Variants in SARDH observed in about 807,000 individuals in gnomAD.
SARDH encodes the protein sarcosine dehydrogenase, mitochondrial.
Under a neutral mutation model 109.1 loss-of-function variants are expected in SARDH, and 95 were observed. That is an observed-to-expected ratio of 0.87 (90% CI 0.74 to 1.03). The LOEUF (loss-of-function observed/expected upper bound fraction) is 1.03, where lower values mean the gene tolerates loss of function less well. SARDH is among the 50% of genes least tolerant of loss of function. The probability of loss-of-function intolerance (pLI) is 0.00; values close to 1 mark genes in which losing one functional copy is unlikely to be tolerated. For missense variants in SARDH, 1,267 were observed against 1,287.8 expected, an observed-to-expected ratio of 0.98 and a Z score of 0.25; for synonymous variants, 572 against 534.8, an observed-to-expected ratio of 1.07 and a Z score of -0.96.
At chr9:133,726,526 G>C (rs1199920526) in intron 6 of SARDH, among the ~76,000 whole-genome samples, 1 of 152,084 alleles carries the variant, frequency 6.6e-6, no homozygotes, top group Non-Finnish European at 1.5e-5. Context: ...CCTGATGTTT[G>C]TCCCAGCAGG....
intron 17 of SARDH, among the ~76,000 whole-genome samples, chr9:133,677,388 G>C (rs1830553239): frequency 6.6e-6 from 1 of 152,150 alleles, no homozygotes; most frequent in Non-Finnish European, 1.5e-5. Flanking sequence ...CTTCAATCCT[G>C]GGCCCCTGAC....
chr9:133,671,169 A>ACCTG (rs1477561902), intron 18 of SARDH, among the ~76,000 whole-genome samples: 1 of 152,150 alleles, frequency 6.6e-6, no homozygotes, highest in African/African-American at 2.4e-5. Context: ...AGGCCACAGC[A>ACCTG]CCTGCTCCCT....
intron 16 of SARDH, among the ~76,000 whole-genome samples, chr9:133,687,509 G>A (rs907640710): frequency 7.2e-5 from 11 of 152,036 alleles, no homozygotes; most frequent in East Asian, 5.8e-4. Flanking sequence ...TCAAACTCCC[G>A]GACTCAAGCG....
At chr9:133,677,867 A>G (rs1304958956) in intron 17 of SARDH, among the ~76,000 whole-genome samples, 2 of 152,208 alleles carry the variant, frequency 1.3e-5, no homozygotes, top group Non-Finnish European at 2.9e-5. Context: ...CTCCTGGACT[A>G]TAGGTTGTGA....
Position 133,712,132 on chromosome 9 carries a change from C to T in SARDH, c.1328+487G>A, listed in dbSNP as rs509657. On this transcript the variant is annotated intron_variant, in intron 10 of 20. Transcript: ENST00000439388. This position sits in a 1 kb window ranked among gnomAD's most constrained non-coding sequence, Gnocchi z 4.1. ...AATGCCCTCCCTGCTCCCAGAACCTCCACAGCCCCTCCCCATCACCCTGCA... is the reference window on the plus strand; with the variant it reads ...AATGCCCTCCCTGCTCCCAGAACCTTCACAGCCCCTCCCCATCACCCTGCA... 6.4e-3 allele frequency among the ~76,000 whole-genome samples: 980 copies of T among 152,330 alleles called. 7 individuals carry two copies. The highest frequency in any genetic ancestry group is 0.013 in the South Asian group (63 of 4,826).
In SARDH at chr9:133,666,152, T is replaced by A. The variant is rs1021449135; in HGVS notation, c.2631+583A>T. On this transcript the variant is annotated intron_variant, in intron 20 of 20. Transcript: ENST00000439388. This position sits in a 1 kb window ranked among gnomAD's most constrained non-coding sequence, Gnocchi z 5.2. ...TGCCTCCTGCAGCCAGGGGTCAGGG[T>A]CACCTGGAGGGGGTGGGGTTGCCTG... Among the ~76,000 whole-genome samples the A allele has an allele frequency of 7.9e-5, 12 of 151,982 alleles. No homozygotes were observed. Among genetic ancestry groups the A allele is most frequent in the African/African-American group, 2.9e-4 (12 of 41,388 alleles).
chr9:133,660,095 C>A (rs1832393685), downstream of SARDH, among the ~76,000 whole-genome samples: 1 of 139,344 alleles, frequency 7.2e-6, no homozygotes. Context: ...TGCTCTCAGG[C>A]TGGTTATCCT....
rs1228185619 is a variant in SARDH at position 133,737,126 on chromosome 9, ACT to A, written c.-31+1126_-31+1127del. Reference sequence around the variant, plus strand: ...AGGGGGACTCAGGACCCACTGCCACACTCTGTCCCACCTGAACTGTGGGCACT... The same window carrying A: ...AGGGGGACTCAGGACCCACTGCCACACTGTCCCACCTGAACTGTGGGCACT... On this transcript the variant is annotated intron_variant, in intron 1 of 20. Coordinates refer to ENST00000439388, the MANE Select transcript of SARDH (RefSeq NM_001134707.2). 3.9e-5 allele frequency among the ~76,000 whole-genome samples: 6 copies of A among 152,118 alleles called. No homozygotes were observed. The East Asian group carries it at 5.8e-4, about 15-fold the overall frequency.
At chr9:133,700,223 A>G (rs988206994) in intron 13 of SARDH, among the ~76,000 whole-genome samples, 1 of 152,206 alleles carries the variant, frequency 6.6e-6, no homozygotes, top group Non-Finnish European at 1.5e-5. Flanking sequence ...GCTACTTGGG[A>G]GGCTGAGGCA....
chr9:133,731,286 G>C lies in SARDH; in HGVS notation c.690+19C>G. On this transcript the variant is annotated intron_variant, in intron 4 of 20. Transcript: ENST00000439388. ...GTGGGCTGGGAACAGGGGACCCAGA[G>C]CCAGGCGGCCATCAGTACCTGTGCT... 1.2e-6 allele frequency: 2 copies of C among 1,613,096 alleles called. No individual in the cohort carries two copies. The highest frequency in any genetic ancestry group is 1.7e-6 in the Non-Finnish European group (2 of 1,179,468).
chr9:133,734,600 T>C (rs1233254607), intron 1 of SARDH, among the ~76,000 whole-genome samples: 1 of 151,832 alleles, frequency 6.6e-6, no homozygotes, highest in Non-Finnish European at 1.5e-5. Flanking sequence ...AAGCTCTGGG[T>C]AGAAGTGGGG....
Position 133,730,122 on chromosome 9 carries a change from G to A in SARDH, c.756C>T (p.Val252=), listed in dbSNP as rs767266720. 7 of 1,614,018 alleles carry A rather than the reference G, an allele frequency of 4.3e-6. No individual in the cohort carries two copies. The highest frequency in any genetic ancestry group is 1.1e-5 in the South Asian group (1 of 91,094). ...AACCATGCTGAGTCTCCACACCCGC[G>A]ACCCGCCGCACCCCAAAATCATCCG... ...VWTDDFGVRR[V]AGVETQHGSI... is the part of the protein sequence containing the mutation. Residue 252 remains valine, a synonymous_variant, in exon 5 of 21, where the codon GTC becomes GTT. Coordinates refer to ENST00000439388, the MANE Select transcript of SARDH (RefSeq NM_001134707.2).
chr9:133,661,712 C>T (rs1832417734), downstream of SARDH, among the ~76,000 whole-genome samples: 1 of 152,102 alleles, frequency 6.6e-6, no homozygotes, highest in African/African-American at 2.4e-5. Flanking sequence ...AACTCCCAAC[C>T]TCAGGTGATC....
chr9:133,731,162 A>G, intron 4 of SARDH, 143 bp downstream of exon 4: 1 of 1,045,370 alleles, frequency 9.6e-7, no homozygotes, highest in Non-Finnish European at 1.4e-6. Flanking sequence ...AGTGGACCAG[A>G]AGGCTCAGAG....
chr9:133,697,209 A>C (rs1426315672), intron 13 of SARDH, among the ~76,000 whole-genome samples: 3 of 152,240 alleles, frequency 2.0e-5, no homozygotes, highest in Non-Finnish European at 4.4e-5. Context: ...ACAAATTCCT[A>C]GAAACACACA....
chr9:133,725,993 G>A (rs1224749767), intron 6 of SARDH, among the ~76,000 whole-genome samples: 1 of 152,164 alleles, frequency 6.6e-6, no homozygotes, highest in Admixed American at 6.5e-5. Context: ...AGGATCCCAG[G>A]AGTCCTGTTC....
rs1389342596 is a variant in SARDH, at chr9:133,686,100, A to G, written c.2070-814T>C. On this transcript the variant is annotated intron_variant, in intron 16 of 20. Coordinates refer to ENST00000439388, the MANE Select transcript of SARDH (RefSeq NM_001134707.2). The surrounding 1 kb of genome is among the most constrained non-coding windows in gnomAD (Gnocchi z 4.0). The stretch of plus-strand genomic sequence containing the variant: ...CTATGAGGGCCCGGGAATGTTCCTG[A>G]GCACTGGACACTCAGTCCATACTGG... 6.6e-6 allele frequency among the ~76,000 whole-genome samples: 1 copy of G among 152,144 alleles called. No homozygotes were observed. Among genetic ancestry groups the G allele is most frequent in the Non-Finnish European group, 1.5e-5 (1 of 68,000 alleles).
chr9:133,717,396 G>T lies in SARDH; in HGVS notation c.1080C>A (p.His360Gln). 1 of 1,614,156 alleles carries T rather than the reference G, an allele frequency of 6.2e-7. No individual in the cohort carries two copies. Among genetic ancestry groups the T allele is most frequent in the Non-Finnish European group, 8.5e-7 (1 of 1,180,004 alleles). Residue 360 changes from histidine to glutamine, a missense_variant, in exon 8 of 21, where the codon CAC becomes CAA. Physicochemically the swap from His to Gln is conservative, Grantham distance 24. Coordinates refer to ENST00000439388, the MANE Select transcript of SARDH (RefSeq NM_001134707.2). ...FDLDWEVFTQHIEGAINRVPV... is the reference protein window; with the variant it reads ...FDLDWEVFTQQIEGAINRVPV... ...GGACCCTGTTGATGGCGCCTTCAATGTGCTGGGTGAACACCTCCCAGTCCA... is the reference window on the plus strand; with the variant it reads ...GGACCCTGTTGATGGCGCCTTCAATTTGCTGGGTGAACACCTCCCAGTCCA...
chr9:133,685,874 C>G (rs1409454642), intron 16 of SARDH, among the ~76,000 whole-genome samples: 1 of 152,240 alleles, frequency 6.6e-6, no homozygotes, highest in Non-Finnish European at 1.5e-5. Context: ...GACACCACCC[C>G]GCTCTGTTCC....
Sources: gnomAD v4.1 joint callset for allele counts (sites outside exome capture counted in the v4.1 genomes callset) on GRCh38, gnomAD v4.1.1 for gene constraint, Gnocchi (gnomAD v3.1) non-coding constraint, MANE v1.5 for transcripts, NCBI Gene and HGNC (gene_info 2026-07-23, HGNC 2026-07-21) for gene names.